Variants in CFAP44 observed in about 807,000 individuals in gnomAD.
The protein encoded by CFAP44 is cilia- and flagella-associated protein 44.
A neutral mutation model predicts 216.2 loss-of-function variants in CFAP44; 134 were observed. That is an observed-to-expected ratio of 0.62 (90% CI 0.54 to 0.72). The LOEUF (loss-of-function observed/expected upper bound fraction) is 0.72, where lower values mean the gene tolerates loss of function less well. CFAP44 is among the 30% of genes least tolerant of loss of function. CFAP44 has a pLI of 0.00. For synonymous variants in CFAP44, 700 were observed against 727.6 expected (o/e 0.96, Z 0.61); for missense variants, 2,035 against 2,182.1 (o/e 0.93, Z 1.34).
rs1034501608 is a variant in CFAP44, at chr3:113,291,726, C to G, written c.5396G>C (p.Arg1799Pro). 11 of 1,536,228 alleles carry G rather than the reference C, an allele frequency of 7.2e-6. No individual in the cohort carries two copies. The highest frequency in any genetic ancestry group is 2.0e-4 in the Middle Eastern group (1 of 4,938). Residue 1799 changes from arginine to proline, a missense_variant, in exon 35 of 35, where the codon CGG (arginine) becomes CCG (proline). Arg to Pro is a moderately radical substitution (Grantham distance 103). Transcript: ENST00000393845. ...CTCTCTTGCCACAACATCTGCTTCCCGAGGGCCCTGGAAGGCATTGCCCTG... is the reference window on the plus strand; with the variant it reads ...CTCTCTTGCCACAACATCTGCTTCCGGAGGGCCCTGGAAGGCATTGCCCTG... ...NQQGNAFQGP[R>P]EADVVAREEV...
intron 6 of CFAP44, among the ~76,000 whole-genome samples, chr3:113,410,669 G>A (rs1013823203): frequency 3.3e-5 from 5 of 152,188 alleles, no homozygotes; most frequent in African/African-American, 9.7e-5. Flanking sequence ...ACCCAGTAAT[G>A]GGATGGCTGG....
rs935763158 is a variant in CFAP44 at position 113,380,798 on chromosome 3, G to A, written c.2052+101C>T. The A allele has an allele frequency of 5.1e-5, 53 of 1,035,208 alleles. No individual in the cohort carries two copies. The Middle Eastern group carries it at 1.3e-3, about 26-fold the overall frequency. 64.1% of individuals were successfully genotyped at this position (1,035,208 alleles called of 1,614,324 possible). A position where few individuals can be genotyped will look rare whatever the true frequency, so the allele number is the denominator to read the frequency against. On this transcript the variant is annotated intron_variant, in intron 16 of 34. Coordinates refer to ENST00000393845, the MANE Select transcript of CFAP44 (RefSeq NM_001164496.2). ...TAAACTCCTTAAGTTCAGGGCCTAT[G>A]TTTTATTCTTTTGTGTATTCCATCA... is the stretch of plus-strand genomic sequence containing the variant.
chr3:113,383,921 C>A (rs1933580729), intron 15 of CFAP44, among the ~76,000 whole-genome samples: 1 of 151,878 alleles, frequency 6.6e-6, no homozygotes, highest in Non-Finnish European at 1.5e-5. Context: ...CCCTGCCAGG[C>A]CCCAGTGTGT....
intron 32 of CFAP44, among the ~76,000 whole-genome samples, chr3:113,300,297 G>A (rs1949922506): frequency 6.6e-6 from 1 of 152,092 alleles, no homozygotes; most frequent in South Asian, 2.1e-4. Context: ...GTATTTGATA[G>A]CCCAGCAGGG....
intron 1 of CFAP44, among the ~76,000 whole-genome samples, chr3:113,435,558 TGTCTC>T (rs1321730324): frequency 1.3e-5 from 2 of 151,368 alleles, no homozygotes; most frequent in African/African-American, 4.9e-5. Flanking sequence ...ACAGCCAAAC[TGTCTC>T]TAAAAAAAAA....
chr3:113,296,852 C>CTGA lies in CFAP44; in HGVS notation c.5108_5110dup (p.Ile1703dup). 6.5e-7 allele frequency: 1 copy of CTGA among 1,537,338 alleles called. No individual in the cohort carries two copies. On this transcript the variant is annotated inframe_insertion, in exon 33 of 35. Transcript: ENST00000393845. Reference sequence around the variant, plus strand: ...TAGATTTACCACACGGCCAAACTTGCTGATCATGAGCTGCCGGACTGTTTC... The same window carrying CTGA: ...TAGATTTACCACACGGCCAAACTTGCTGATGATCATGAGCTGCCGGACTGTTTC...
In CFAP44 at chr3:113,373,434, A is replaced by G. The variant is rs768216131; in HGVS notation, c.2421T>C (p.Asn807=). Reference sequence around the variant, plus strand: ...ACTTGAAAGTGATAGTTTGGATGGGATTGTCCTCTGTATCCGCAAGATAAC... The same window carrying G: ...ACTTGAAAGTGATAGTTTGGATGGGGTTGTCCTCTGTATCCGCAAGATAAC... ...DVRYLADTED[N]PIQTITFNIN... The change falls in exon 18 of 35, where the codon AAT becomes AAC. Residue 807 remains asparagine (N), a synonymous_variant. Transcript: ENST00000393845. 1 of 1,598,240 alleles carries G rather than the reference A, an allele frequency of 6.3e-7. No homozygotes were observed. The highest frequency in any genetic ancestry group is 1.3e-5 in the African/African-American group (1 of 74,488).
chr3:113,301,937 C>T (rs1949939447), intron 32 of CFAP44, among the ~76,000 whole-genome samples: 1 of 152,176 alleles, frequency 6.6e-6, no homozygotes, highest in African/African-American at 2.4e-5. Context: ...TACCCCAGCC[C>T]ACAACCACAG....
At chr3:113,434,858 T>A (rs1485210434) in intron 1 of CFAP44, 2 of 152,232 alleles carry the variant, frequency 1.3e-5, no homozygotes, top group Non-Finnish European at 2.9e-5. Flanking sequence ...CTTCCTGGTC[T>A]CTGAAGATAG....
At chr3:113,329,619 C>A (rs955543722) in intron 26 of CFAP44, among the ~76,000 whole-genome samples, 2 of 152,174 alleles carry the variant, frequency 1.3e-5, no homozygotes, top group Admixed American at 6.5e-5. Flanking sequence ...ATTCAAAGAA[C>A]ATCCTGCCCA....
rs1479075471 is a variant in CFAP44, at chr3:113,287,828, G to A, written c.*3729C>T. On this transcript the variant is annotated 3_prime_UTR_variant, in exon 35 of 35. Coordinates refer to ENST00000393845, the MANE Select transcript of CFAP44 (RefSeq NM_001164496.2). ...TCTCCAAAATACTGTTTAGCTAAGT[G>A]CTGTGCCACACATGGACATATGGTG... is the stretch of plus-strand genomic sequence containing the variant. The A allele has an allele frequency of 1.3e-5, 2 of 152,202 alleles. No individual in the cohort carries two copies. The highest frequency in any genetic ancestry group is 6.5e-5 in the Admixed American group (1 of 15,286). The allele number at this position is 152,202 out of a possible 1,614,324, so 9.4% of individuals were successfully genotyped here.
At chr3:113,416,440 C>A (rs553390350) in intron 6 of CFAP44, 85 bp downstream of exon 6, 6 of 1,084,590 alleles carry the variant, frequency 5.5e-6, no homozygotes, top group Admixed American at 2.3e-5. Flanking sequence ...CTCTGGAGAA[C>A]CTTGACTTAT....
chr3:113,346,801 A>C (rs925084587), intron 22 of CFAP44, among the ~76,000 whole-genome samples: 3 of 152,252 alleles, frequency 2.0e-5, no homozygotes, highest in African/African-American at 7.2e-5. Context: ...AGGGAATAAA[A>C]GCTGGCCACC....
chr3:113,357,161 T>C (rs1193912216), intron 22 of CFAP44, among the ~76,000 whole-genome samples: 1 of 152,012 alleles, frequency 6.6e-6, no homozygotes, highest in Non-Finnish European at 1.5e-5. Flanking sequence ...ATTTAAACCA[T>C]ACTGAGATGC....
chr3:113,435,657 A>G (rs1248608737), intron 1 of CFAP44, among the ~76,000 whole-genome samples: 1 of 151,148 alleles, frequency 6.6e-6, no homozygotes, highest in East Asian at 2.0e-4. Flanking sequence ...TGAGCCCAGG[A>G]GTTTGAGGCT....
intron 6 of CFAP44, among the ~76,000 whole-genome samples, chr3:113,410,955 A>G (rs1201205885): frequency 1.3e-5 from 2 of 152,122 alleles, no homozygotes; most frequent in Non-Finnish European, 2.9e-5. Context: ...TTCTTTTGAG[A>G]AGTGTCTGTT....
chr3:113,372,689 T>C (rs892014131), intron 18 of CFAP44, among the ~76,000 whole-genome samples: 1 of 152,172 alleles, frequency 6.6e-6, no homozygotes, highest in Middle Eastern at 3.2e-3. Flanking sequence ...GTAACAAATG[T>C]GCACGTTGTG....
Position 113,313,996 on chromosome 3 carries a change from T to C in CFAP44, c.4517-5728A>G, listed in dbSNP as rs138249029. 2.2e-3 allele frequency among the ~76,000 whole-genome samples: 339 copies of C among 152,042 alleles called. 2 individuals carry two copies. Among genetic ancestry groups the C allele is most frequent in the Non-Finnish European group, 4.2e-3 (284 of 67,970 alleles). ...AAATGTAAAGACTGAACAATAGACATCATCCAATTTGAAAAACAGAAAGAA... is the reference window on the plus strand; with the variant it reads ...AAATGTAAAGACTGAACAATAGACACCATCCAATTTGAAAAACAGAAAGAA... On this transcript the variant is annotated intron_variant, in intron 28 of 34. Coordinates refer to ENST00000393845, the MANE Select transcript of CFAP44 (RefSeq NM_001164496.2).
At chr3:113,432,415 C>A (rs969570994) in intron 2 of CFAP44, among the ~76,000 whole-genome samples, 4 of 152,192 alleles carry the variant, frequency 2.6e-5, no homozygotes, top group African/African-American at 9.7e-5. Flanking sequence ...CTTAAAAAGT[C>A]AAGTAATGCT....
Sources: allele counts gnomAD v4.1 joint callset (sites outside exome capture counted in the v4.1 genomes callset), GRCh38; gene constraint gnomAD v4.1.1; transcripts MANE v1.5; gene names NCBI Gene and HGNC (gene_info 2026-07-23, HGNC 2026-07-21).